CREBBP: variants seen among roughly 807,000 people sequenced by gnomAD.
CREBBP encodes the protein CREB-binding protein.
Under a neutral mutation model 265.0 loss-of-function variants are expected in CREBBP, and 19 were observed. That is an observed-to-expected ratio of 0.07 (90% confidence interval 0.05 to 0.11). CREBBP has a LOEUF of 0.11. Among genes scored for constraint, CREBBP ranks in the 10% least tolerant of loss-of-function variants. CREBBP has a pLI of 1.00. For missense variants in CREBBP, 2,525 were observed against 3,219.0 expected, an observed-to-expected ratio of 0.78 and a Z score of 5.22; for synonymous variants, 1,457 against 1,223.7, an observed-to-expected ratio of 1.19 and a Z score of -3.98.
chr16:3,835,197 TAAAAAAC>T (rs2054420741), intron 2 of CREBBP, among the ~76,000 whole-genome samples: 1 of 151,610 alleles, frequency 6.6e-6, no homozygotes, highest in African/African-American at 2.4e-5. Context: ...AAGCTTTTCT[TAAAAAAC>T]AAACTAAATG....
At chr16:3,745,639 G>A (rs1224309183) in intron 21 of CREBBP, 3 of 476,628 alleles carry the variant, frequency 6.3e-6, no homozygotes, top group East Asian at 3.8e-5. Flanking sequence ...AAATTGCTGC[G>A]ACAAATACAT....
At chr16:3,767,605 A>C in intron 16 of CREBBP, 115 bp downstream of exon 16, 3 of 1,410,654 alleles carry the variant, frequency 2.1e-6, no homozygotes, top group Non-Finnish European at 3.0e-6. Flanking sequence ...GCAGGCAAGA[A>C]AGGTAAAAGG....
intron 12 of CREBBP, among the ~76,000 whole-genome samples, 169 bp from the exon 13 acceptor site, chr16:3,774,099 C>T (rs368996552): frequency 3.5e-4 from 53 of 152,290 alleles, no homozygotes; most frequent in African/African-American, 9.9e-4. Flanking sequence ...AGAACTCCCG[C>T]GCTCCTGGGC....
At chr16:3,830,752 T>C (rs2054326614) in intron 2 of CREBBP, among the ~76,000 whole-genome samples, 1 of 152,128 alleles carries the variant, frequency 6.6e-6, no homozygotes, top group South Asian at 2.1e-4. Context: ...TAATAGACAA[T>C]TATGAAACAT....
At position 3,729,332 on chromosome 16, in the gene CREBBP, G is replaced by A. The variant is rs374292709; in HGVS notation, c.5715C>T (p.Pro1905=). The A allele has an allele frequency of 6.3e-7, 1 of 1,578,784 alleles. No homozygotes were observed. The highest frequency in any genetic ancestry group is 8.6e-7 in the Non-Finnish European group (1 of 1,167,644). Residue 1905 remains proline, a synonymous_variant, in exon 31 of 31, where the codon CCC becomes CCT. Transcript: ENST00000262367. ...CGGGTGAGGGTTGGGGCTGGGCAGG[G>A]GGCTGCGGCGTCTGGGGTGTGCTGG... is the stretch of plus-strand genomic sequence containing the variant. ...QQPSTPQTPQ[P]PAQPQPSPVS...
intron 5 of CREBBP, among the ~76,000 whole-genome samples, chr16:3,784,847 A>G (rs1271745242): frequency 1.3e-5 from 2 of 152,146 alleles, no homozygotes; most frequent in South Asian, 4.1e-4. Flanking sequence ...CCTCATACTC[A>G]CATAGGCCTC....
intron 24 of CREBBP, 122 bp from the exon 25 acceptor site, chr16:3,739,846 A>T: frequency 7.1e-7 from 1 of 1,412,892 alleles, no homozygotes. Context: ...CCACCTCCTC[A>T]GACCGTGGCC....
chr16:3,773,507 A>AC (rs370608377), intron 13 of CREBBP: 151 of 541,100 alleles, frequency 2.8e-4, no homozygotes, highest in South Asian at 1.4e-4. Flanking sequence ...AAAAGCATAC[A>AC]AACCAAAAAT....
chr16:3,848,040 C>T (rs899864360), intron 2 of CREBBP, among the ~76,000 whole-genome samples: 1 of 151,960 alleles, frequency 6.6e-6, no homozygotes, highest in African/African-American at 2.4e-5. Context: ...AGCAGTGGCA[C>T]GCGCCTGTAA....
At chr16:3,744,382 C>T (rs1409136606) in intron 23 of CREBBP, among the ~76,000 whole-genome samples, 1 of 152,236 alleles carries the variant, frequency 6.6e-6, no homozygotes, top group Non-Finnish European at 1.5e-5. Context: ...TAGGTCTAAA[C>T]CACTTGAGAA....
At chr16:3,762,240 T>G (rs911473949) in intron 16 of CREBBP, among the ~76,000 whole-genome samples, 8 of 152,188 alleles carry the variant, frequency 5.3e-5, no homozygotes, top group African/African-American at 1.9e-4. Flanking sequence ...CTGCAGACCC[T>G]GTCACCGCCC....
chr16:3,810,563 C>G (rs759668667), intron 3 of CREBBP, 40 bp downstream of exon 3: 1 of 1,607,894 alleles, frequency 6.2e-7, no homozygotes, highest in South Asian at 1.1e-5. Flanking sequence ...CCACAGCACC[C>G]ACCGGAGAGC....
chr16:3,747,090 C>T (rs1377401859), intron 21 of CREBBP, among the ~76,000 whole-genome samples: 1 of 151,984 alleles, frequency 6.6e-6, no homozygotes, highest in Non-Finnish European at 1.5e-5. Flanking sequence ...CCCAGCAAGC[C>T]CCCCTGCCTG....
rs778943314 is a variant in CREBBP at position 3,740,556 on chromosome 16, A to G, written c.3983-7T>C. 3 of 1,614,150 alleles carry G rather than the reference A, an allele frequency of 1.9e-6. No homozygotes were observed. The highest frequency in any genetic ancestry group is 3.3e-5 in the Admixed American group (2 of 60,024). On this transcript the variant is annotated splice_polypyrimidine_tract_variant and splice_region_variant and intron_variant, in intron 23 of 30. Coordinates refer to ENST00000262367, the MANE Select transcript of CREBBP (RefSeq NM_004380.3). ...AGTCTTGTGGTCTGCAGCCCTAGGA[A>G]GTCCAGAAGGAGCAGGTGAGAGGGC...
At chr16:3,760,913 T>C (rs143924904) in intron 16 of CREBBP, among the ~76,000 whole-genome samples, 152 of 152,228 alleles carry the variant, frequency 1.0e-3, no homozygotes, top group African/African-American at 3.5e-3. Flanking sequence ...AATAACATTA[T>C]AGGTGTGAGC....
intron 16 of CREBBP, among the ~76,000 whole-genome samples, chr16:3,761,111 C>T (rs2052707424): frequency 6.6e-6 from 1 of 152,106 alleles, no homozygotes; most frequent in African/African-American, 2.4e-5. Flanking sequence ...TGCACCACCA[C>T]ACCCAGCTAA....
At chr16:3,760,555 A>C (rs1173768101) in intron 16 of CREBBP, among the ~76,000 whole-genome samples, 1 of 151,436 alleles carries the variant, frequency 6.6e-6, no homozygotes, top group Non-Finnish European at 1.5e-5. Flanking sequence ...GGTGCCCACC[A>C]CCACGCCCAG....
intron 1 of CREBBP, among the ~76,000 whole-genome samples, chr16:3,877,092 C>T (rs1009368578): frequency 6.6e-6 from 1 of 152,200 alleles, no homozygotes; most frequent in Non-Finnish European, 1.5e-5. Context: ...AAGGGCTCCT[C>T]CTCCTTTCAA....
intron 3 of CREBBP, among the ~76,000 whole-genome samples, chr16:3,802,960 A>AT: frequency 6.6e-6 from 1 of 152,088 alleles, no homozygotes; most frequent in Non-Finnish European, 1.5e-5. Flanking sequence ...AGGTTCCCTC[A>AT]TAAGGACCTA....
Sources: allele counts gnomAD v4.1 joint callset (sites outside exome capture counted in the v4.1 genomes callset), GRCh38; gene constraint gnomAD v4.1.1; transcripts MANE v1.5; gene names NCBI Gene and HGNC (gene_info 2026-07-23, HGNC 2026-07-21).